TAF3: variants seen among roughly 807,000 people sequenced by gnomAD.
The protein encoded by TAF3 is TATA-box binding protein associated factor 3.
A neutral mutation model predicts 80.6 loss-of-function variants in TAF3; 7 were observed. That is an observed-to-expected ratio of 0.09 (90% CI 0.05 to 0.16). The LOEUF (loss-of-function observed/expected upper bound fraction) is 0.16, where lower values mean the gene tolerates loss of function less well. Among genes scored for constraint, TAF3 ranks in the 10% least tolerant of loss-of-function variants. The pLI, the probability that TAF3 is intolerant of heterozygous loss-of-function variation, is 1.00. For missense variants in TAF3, 921 were observed against 1,140.2 expected, an observed-to-expected ratio of 0.81 and a Z score of 2.77; for synonymous variants, 444 against 446.1, an observed-to-expected ratio of 1.00 and a Z score of 0.06.
intron 2 of TAF3, among the ~76,000 whole-genome samples, chr10:7,902,443 A>G (rs1837567318): frequency 6.6e-6 from 1 of 152,144 alleles, no homozygotes; most frequent in Non-Finnish European, 1.5e-5. Flanking sequence ...TAATAAAAAA[A>G]GAATCTTTTC....
Position 7,980,257 on chromosome 10 carries a change from G to C in TAF3, c.2315+2934G>C, listed in dbSNP as rs570520792. Reference sequence around the variant, plus strand: ...TAGGAAAAACGAAAAAGCTTTACAGGGTTCAAATTATACCTTCTAGTTGGA... The same window carrying C: ...TAGGAAAAACGAAAAAGCTTTACAGCGTTCAAATTATACCTTCTAGTTGGA... On this transcript the variant is annotated intron_variant, in intron 4 of 6. Transcript: ENST00000344293. Among the ~76,000 whole-genome samples the C allele has an allele frequency of 4.6e-5, 7 of 152,156 alleles. No individual in the cohort carries two copies. The South Asian group carries it at 8.3e-4, about 18-fold the overall frequency.
At chr10:7,887,930 G>C (rs1359902649) in intron 2 of TAF3, among the ~76,000 whole-genome samples, 1 of 152,084 alleles carries the variant, frequency 6.6e-6, no homozygotes, top group East Asian at 1.9e-4. Context: ...AGCAATATCA[G>C]AATAAGTCGA....
chr10:7,980,301 T>C (rs1264555549), intron 4 of TAF3, among the ~76,000 whole-genome samples: 1 of 152,244 alleles, frequency 6.6e-6, no homozygotes, highest in African/African-American at 2.4e-5. Context: ...AAGACAGTAT[T>C]TACTTTCTGA....
intron 2 of TAF3, among the ~76,000 whole-genome samples, chr10:7,919,153 C>T (rs12259679): frequency 2.0e-5 from 3 of 152,096 alleles, no homozygotes; most frequent in Non-Finnish European, 2.9e-5. Context: ...GCCAGAAAAC[C>T]GTGTAGGAAT....
In TAF3 at chr10:7,826,386, A is replaced by G. The variant is rs552703993; in HGVS notation, c.409+1826A>G. On this transcript the variant is annotated intron_variant, in intron 2 of 6. Coordinates refer to ENST00000344293, the MANE Select transcript of TAF3 (RefSeq NM_031923.4). ...ATTTAAATACTAGCAAGGAAATGTA[A>G]CTAAGATAACAGGTTTAGATTAGGT... Among the ~76,000 whole-genome samples the G allele has an allele frequency of 1.2e-4, 18 of 152,366 alleles. No homozygotes were observed. In the South Asian group the frequency reaches 3.5e-3, roughly 30 times the overall value.
intron 4 of TAF3, among the ~76,000 whole-genome samples, chr10:7,988,527 G>A (rs1444721882): frequency 7.8e-6 from 1 of 128,274 alleles, no homozygotes; most frequent in Non-Finnish European, 1.6e-5. Flanking sequence ...AGCCAAGATT[G>A]TGCCACTACA....
intron 2 of TAF3, among the ~76,000 whole-genome samples, chr10:7,898,763 A>G (rs1427967514): frequency 6.6e-6 from 1 of 151,654 alleles, no homozygotes; most frequent in Non-Finnish European, 1.5e-5. Context: ...CTCTGAGAAT[A>G]TTGTGTTGTT....
intron 3 of TAF3, among the ~76,000 whole-genome samples, chr10:7,976,868 T>C (rs1831678648): frequency 6.6e-6 from 1 of 152,194 alleles, no homozygotes; most frequent in South Asian, 2.1e-4. Context: ...TTTTATCTTA[T>C]AGGGAAGACA....
At chr10:7,993,519 G>A (rs1171075278) in intron 4 of TAF3, among the ~76,000 whole-genome samples, 6 of 152,128 alleles carry the variant, frequency 3.9e-5, no homozygotes, top group Non-Finnish European at 7.4e-5. Context: ...TAAGAAACCA[G>A]ATCTTTTGTT....
rs374970057 is a variant in TAF3, at chr10:7,958,950, T to C, written c.410-4970T>C. ...GACATCGAGACCATCCTGGCTAACA[T>C]GGTAAAACCCCGTCTCTACTAAAAA... On this transcript the variant is annotated intron_variant, in intron 2 of 6. Coordinates refer to ENST00000344293, the MANE Select transcript of TAF3 (RefSeq NM_031923.4). 7.2e-5 allele frequency among the ~76,000 whole-genome samples: 11 copies of C among 152,210 alleles called. No individual in the cohort carries two copies. In the East Asian group the frequency reaches 1.5e-3, roughly 21 times the overall value.
At chr10:7,896,289 G>T (rs541835643) in intron 2 of TAF3, among the ~76,000 whole-genome samples, 1 of 152,140 alleles carries the variant, frequency 6.6e-6, no homozygotes, top group Non-Finnish European at 1.5e-5. Context: ...GGGGGAAAAC[G>T]TAGACCAAAA....
chr10:7,907,786 TG>T (rs1430207208), intron 2 of TAF3, among the ~76,000 whole-genome samples: 3 of 152,086 alleles, frequency 2.0e-5, no homozygotes, highest in African/African-American at 7.2e-5. Context: ...CCATGAAAGG[TG>T]TTTGGTGAGT....
intron 2 of TAF3, among the ~76,000 whole-genome samples, chr10:7,880,476 CAG>C (rs1453152406): frequency 6.6e-6 from 1 of 152,170 alleles, no homozygotes; most frequent in African/African-American, 2.4e-5. Flanking sequence ...CCTGAGAAAA[CAG>C]TGTGCCACAG....
chr10:7,871,869 TTAAC>T (rs1300051267), intron 2 of TAF3, among the ~76,000 whole-genome samples: 4 of 152,236 alleles, frequency 2.6e-5, no homozygotes, highest in African/African-American at 9.6e-5. Flanking sequence ...GAAATATTGA[TTAAC>T]TATCCAAATA....
At position 8,015,004 on chromosome 10, in the gene TAF3, A is replaced by G. The variant is rs1832091369; in HGVS notation, c.*253A>G. On this transcript the variant is annotated 3_prime_UTR_variant, in exon 7 of 7. Transcript: ENST00000344293. Reference sequence around the variant, plus strand: ...GTGGCCTGGGGGCTGCCCCTCCTCCACTTCTCTAATACCAGTGACAAGTAT... The same window carrying G: ...GTGGCCTGGGGGCTGCCCCTCCTCCGCTTCTCTAATACCAGTGACAAGTAT... 5.6e-6 allele frequency: 2 copies of G among 359,168 alleles called. No individual in the cohort carries two copies. The highest frequency in any genetic ancestry group is 3.8e-5 in the South Asian group (1 of 26,438). The allele number at this position is 359,168 out of a possible 1,614,324, so 22.2% of individuals were successfully genotyped here. A position where few individuals can be genotyped will look rare whatever the true frequency, so the allele number is the denominator to read the frequency against.
chr10:7,829,207 A>G (rs1187349335), intron 2 of TAF3, among the ~76,000 whole-genome samples: 1 of 152,160 alleles, frequency 6.6e-6, no homozygotes, highest in Non-Finnish European at 1.5e-5. Flanking sequence ...TGATTTACAG[A>G]AAAAATTGAG....
chr10:7,832,047 A>G (rs577755050), intron 2 of TAF3, among the ~76,000 whole-genome samples: 2 of 152,254 alleles, frequency 1.3e-5, no homozygotes, highest in East Asian at 3.9e-4. Context: ...TGGAGAGAAC[A>G]TTTAAAACTT....
At chr10:7,849,871 G>A (rs551426677) in intron 2 of TAF3, among the ~76,000 whole-genome samples, 2 of 152,082 alleles carry the variant, frequency 1.3e-5, no homozygotes, top group South Asian at 4.2e-4. Flanking sequence ...GTAGATACCA[G>A]GTTTTCACCA....
At chr10:7,864,704 T>G (rs765013609) in intron 2 of TAF3, among the ~76,000 whole-genome samples, 49 of 152,310 alleles carry the variant, frequency 3.2e-4, no homozygotes, top group Non-Finnish European at 5.7e-4. Context: ...TGGTCATCAG[T>G]TTTTTATCAT....
Sources: gnomAD v4.1 joint callset for allele counts (sites outside exome capture counted in the v4.1 genomes callset) on GRCh38, gnomAD v4.1.1 for gene constraint, MANE v1.5 for transcripts, NCBI Gene and HGNC (gene_info 2026-07-23, HGNC 2026-07-21) for gene names.